The following KIFBP variants were observed in gnomAD, a reference collection of about 807,000 sequenced individuals.
The protein encoded by KIFBP is KIF-binding protein.
Under a neutral mutation model 58.9 loss-of-function variants are expected in KIFBP, and 46 were observed. The ratio of observed to expected loss-of-function variants is 0.78; its 90% CI spans 0.62 to 1.00. The LOEUF (loss-of-function observed/expected upper bound fraction) is 1.00. KIFBP is among the 50% of genes least tolerant of loss of function. KIFBP has a pLI of 0.00. For missense variants in KIFBP, 651 were observed against 752.9 expected, an observed-to-expected ratio of 0.86 and a Z score of 1.58; for synonymous variants, 241 against 283.4, an observed-to-expected ratio of 0.85 and a Z score of 1.50.
At position 69,015,863 on chromosome 10, in the gene KIFBP, C is replaced by T; in HGVS notation, c.1313C>T (p.Thr438Ile). 2 of 1,614,158 alleles carry T rather than the reference C, an allele frequency of 1.2e-6. No homozygotes were observed. Among genetic ancestry groups the T allele is most frequent in the Non-Finnish European group, 1.7e-6 (2 of 1,180,042 alleles). Residue 438 changes from threonine to isoleucine, a missense_variant, in exon 7 of 7, where the codon ACT becomes ATT. Thr to Ile is a moderately conservative substitution (Grantham distance 89). Coordinates refer to ENST00000361983, the MANE Select transcript of KIFBP (RefSeq NM_015634.4). Reference protein sequence around the residue: ...ALFKVLAFFETDMERRCKMHK... With the variant: ...ALFKVLAFFEIDMERRCKMHK... ...TTTAAGGTGCTTGCATTCTTTGAAA[C>T]TGACATGGAGAGACGGTGCAAGATG...
At chr10:69,008,208 C>T (rs1427702930) in intron 4 of KIFBP, among the ~76,000 whole-genome samples, 2 of 151,002 alleles carry the variant, frequency 1.3e-5, no homozygotes, top group Non-Finnish European at 2.9e-5. Context: ...AGCATTGCTT[C>T]AGGCCAGGAG....
intron 1 of KIFBP, among the ~76,000 whole-genome samples, chr10:68,993,148 C>T (rs771937331): frequency 1.3e-5 from 2 of 152,176 alleles, no homozygotes; most frequent in Non-Finnish European, 2.9e-5. Context: ...TTACCCAGAA[C>T]ACATGCTTCA....
At chr10:69,004,981 C>A in intron 2 of KIFBP, 65 bp from the exon 3 acceptor site, 1 of 1,151,386 alleles carries the variant, frequency 8.7e-7, no homozygotes, top group Non-Finnish European at 1.3e-6. Flanking sequence ...CCAGGTCCTC[C>A]AGAAGAGGGC....
At chr10:68,995,012 A>G (rs1843390659) in intron 1 of KIFBP, among the ~76,000 whole-genome samples, 1 of 151,858 alleles carries the variant, frequency 6.6e-6, no homozygotes, top group South Asian at 2.1e-4. Context: ...AGCTGGGACT[A>G]TGTAGAAATT....
At chr10:68,998,771 A>ATATATATATAT (rs1357079794) in intron 1 of KIFBP, among the ~76,000 whole-genome samples, 13 of 99,856 alleles carry the variant, frequency 1.3e-4, no homozygotes, top group African/African-American at 4.4e-4. Flanking sequence ...ATATATATAT[A>ATATATATATAT]TTTTTTTTTT....
At chr10:68,993,044 A>T (rs1031099813) in intron 1 of KIFBP, among the ~76,000 whole-genome samples, 1 of 151,748 alleles carries the variant, frequency 6.6e-6, no homozygotes, top group Non-Finnish European at 1.5e-5. Context: ...TTCTCTGTTG[A>T]ATTGCTGTTA....
intron 3 of KIFBP, 84 bp downstream of exon 3, chr10:69,005,209 T>G: frequency 9.8e-7 from 1 of 1,022,200 alleles, no homozygotes; most frequent in Non-Finnish European, 1.5e-6. Context: ...TTATAAAGGT[T>G]ATAGAATGTG....
chr10:69,015,616 G>A lies in KIFBP; in HGVS notation c.1066G>A (p.Glu356Lys), dbSNP rs138090713. The A allele has an allele frequency of 3.1e-6, 5 of 1,613,834 alleles. No homozygotes were observed. The African/African-American group carries it at 5.3e-5, about 17-fold the overall frequency. Reference protein sequence around the residue: ...ALRKKELDEEESIRKKAVQFG... With the variant: ...ALRKKELDEEKSIRKKAVQFG... The stretch of plus-strand genomic sequence containing the variant: ...AAGGAAAAAAGAACTAGATGAGGAG[G>A]AAAGCATTCGGAAAAAAGCTGTGCA... The change falls in exon 7 of 7, where the codon GAA becomes AAA. Residue 356 changes from glutamate (E) to lysine (K), a missense_variant. Glu to Lys is a moderately conservative substitution (Grantham distance 56, BLOSUM62 1). Coordinates refer to ENST00000361983, the MANE Select transcript of KIFBP (RefSeq NM_015634.4).
chr10:69,015,434 A>G, intron 6 of KIFBP, 107 bp from the exon 7 acceptor site: 2 of 1,078,124 alleles, frequency 1.9e-6, no homozygotes, highest in South Asian at 1.4e-5. Flanking sequence ...ACCAGGCTGG[A>G]AAGTAAGAGA....
At chr10:69,003,476 T>C (rs1843494401) in intron 2 of KIFBP, among the ~76,000 whole-genome samples, 1 of 152,234 alleles carries the variant, frequency 6.6e-6, no homozygotes, top group East Asian at 1.9e-4. Flanking sequence ...TTTTTGAGTT[T>C]AATGAATTCA....
chr10:69,015,457 A>G, intron 6 of KIFBP, 84 bp from the exon 7 acceptor site: 2 of 1,373,554 alleles, frequency 1.5e-6, no homozygotes, highest in Admixed American at 2.0e-5. Flanking sequence ...TCTCTTCTAA[A>G]AAACTCTGAA....
Position 69,016,463 on chromosome 10 carries a change from T to C in KIFBP, c.*47T>C. On this transcript the variant is annotated 3_prime_UTR_variant, in exon 7 of 7. Coordinates refer to ENST00000361983, the MANE Select transcript of KIFBP (RefSeq NM_015634.4). ...AATGTGCAATATTGAAGTGATCTTT[T>C]TCCCTAGTCAGACAGGCCCAATTCC... The C allele has an allele frequency of 6.2e-7, 1 of 1,600,388 alleles. No homozygotes were observed. Among genetic ancestry groups the C allele is most frequent in the Non-Finnish European group, 8.5e-7 (1 of 1,169,604 alleles).
chr10:69,000,044 C>CAAA (rs766080138), intron 1 of KIFBP, among the ~76,000 whole-genome samples: 7 of 50,572 alleles, frequency 1.4e-4, no homozygotes, highest in East Asian at 5.7e-4. Flanking sequence ...GACTCCGTCT[C>CAAA]AAAAAAAAAA....
Position 69,008,821 on chromosome 10 carries a change from G to A in KIFBP, c.790-20G>A, listed in dbSNP as rs1843563336. 4 of 1,582,362 alleles carry A rather than the reference G, an allele frequency of 2.5e-6. No individual in the cohort carries two copies. Among genetic ancestry groups the A allele is most frequent in the Admixed American group, 1.7e-5 (1 of 59,942 alleles). ...AAGCTGTGTGATAGTTGCATTCACTGTTGTTTATTTCCCCAATAGCTATGC... is the reference window on the plus strand; with the variant it reads ...AAGCTGTGTGATAGTTGCATTCACTATTGTTTATTTCCCCAATAGCTATGC... On this transcript the variant is annotated intron_variant, in intron 4 of 6. Coordinates refer to ENST00000361983, the MANE Select transcript of KIFBP (RefSeq NM_015634.4).
chr10:69,010,506 G>C (rs531581792), intron 5 of KIFBP, among the ~76,000 whole-genome samples: 1 of 152,194 alleles, frequency 6.6e-6, no homozygotes, highest in Non-Finnish European at 1.5e-5. Flanking sequence ...TTTAGCACCA[G>C]GTTCTCCACA....
chr10:68,995,921 G>T (rs1012198656), intron 1 of KIFBP, among the ~76,000 whole-genome samples: 1 of 152,100 alleles, frequency 6.6e-6, no homozygotes, highest in African/African-American at 2.4e-5. Flanking sequence ...ACTTTGGGAG[G>T]CCAAGGCGGG....
At chr10:69,002,907 A>G (rs1466747146) in intron 2 of KIFBP, among the ~76,000 whole-genome samples, 1 of 148,884 alleles carries the variant, frequency 6.7e-6, no homozygotes, top group African/African-American at 2.5e-5. Context: ...TCTCAAAAAT[A>G]AGTAAAATAA....
At chr10:69,000,681 A>G (rs1843457810) in intron 2 of KIFBP, among the ~76,000 whole-genome samples, 159 bp downstream of exon 2, 1 of 152,228 alleles carries the variant, frequency 6.6e-6, no homozygotes, top group South Asian at 2.1e-4. Context: ...AAATTATTGC[A>G]TATTAAAGAC....
rs967540704 is a variant in KIFBP, at chr10:69,000,064, A to G, written c.427-360A>G. On this transcript the variant is annotated intron_variant, in intron 1 of 6. Coordinates refer to ENST00000361983, the MANE Select transcript of KIFBP (RefSeq NM_015634.4). ...CGTCTCAAAAAAAAAAAAAAAAAAA[A>G]AGCAGGCAATAGATAGCATCCAAAA... Among the ~76,000 whole-genome samples the G allele has an allele frequency of 9.9e-5, 15 of 151,918 alleles. No individual in the cohort carries two copies. The East Asian group carries it at 2.9e-3, about 29-fold the overall frequency.
Sources: gnomAD v4.1 joint callset for allele counts (sites outside exome capture counted in the v4.1 genomes callset) on GRCh38, gnomAD v4.1.1 for gene constraint, MANE v1.5 for transcripts, NCBI Gene and HGNC (gene_info 2026-07-23, HGNC 2026-07-21) for gene names.